The following RANBP2 variants were observed in gnomAD, a reference collection of about 807,000 sequenced individuals.
The protein encoded by RANBP2 is RAN binding protein 2.
In RANBP2, 57 loss-of-function variants were observed where a neutral mutation model predicts 303.6. The observed-to-expected ratio is 0.19, with a 90% CI of 0.15 to 0.23. The LOEUF is 0.23. RANBP2 is among the 10% of genes least tolerant of loss of function. RANBP2 has a pLI of 1.00. For missense variants in RANBP2, 3,138 were observed against 3,780.8 expected, an observed-to-expected ratio of 0.83 and a Z score of 4.46; for synonymous variants, 1,167 against 1,301.5, an observed-to-expected ratio of 0.90 and a Z score of 2.23.
At chr2:108,910,786 T>C in the RANBP2 span, 1 of 1,613,242 alleles carries the variant, frequency 6.2e-7, no homozygotes, top group Non-Finnish European at 8.5e-7. Context: ...CTGGGGCCTC[T>C]TTCTTCTCCT....
In RANBP2 at chr2:108,775,778, C is replaced by G; in HGVS notation, c.8339C>G (p.Thr2780Arg). ...EITSTTDSVY[T>R]GGTEVMVPSF... ...ACTAGCACAACTGACAGTGTATATACAGGTGGGACTGAAGTGATGGTACCT... is the reference window on the plus strand; with the variant it reads ...ACTAGCACAACTGACAGTGTATATAGAGGTGGGACTGAAGTGATGGTACCT... Residue 2780 changes from threonine to arginine, a missense_variant, in exon 24 of 29, where the codon ACA becomes AGA. Thr to Arg is a moderately conservative substitution (Grantham distance 71, BLOSUM62 -1). Transcript: ENST00000283195. The G allele has an allele frequency of 6.2e-7, 1 of 1,613,824 alleles. No individual in the cohort carries two copies. Among genetic ancestry groups the G allele is most frequent in the African/African-American group, 1.3e-5 (1 of 75,022 alleles).
At chr2:109,405,287 A>G in the RANBP2 span, among the ~76,000 whole-genome samples, 3 of 152,062 alleles carry the variant, frequency 2.0e-5, no homozygotes, top group Non-Finnish European at 4.4e-5. Context: ...TCTGTTCCTC[A>G]AGGAGTCACC....
At chr2:108,774,330 T>C (rs1049403154) in intron 23 of RANBP2, among the ~76,000 whole-genome samples, 5 of 152,156 alleles carry the variant, frequency 3.3e-5, no homozygotes, top group African/African-American at 9.7e-5. Flanking sequence ...CTCAGTGATA[T>C]GTGTGTGTAG....
the RANBP2 span, among the ~76,000 whole-genome samples, chr2:109,325,331 CTTTTTTTTT>C: frequency 2.4e-4 from 16 of 66,258 alleles, no homozygotes; most frequent in African/African-American, 8.8e-4. Context: ...TTCTTTCTTT[CTTTTTTTTT>C]TTTTTTTTTT....
chr2:109,494,814 C>T, the RANBP2 span, among the ~76,000 whole-genome samples: 11 of 152,196 alleles, frequency 7.2e-5, no homozygotes, highest in African/African-American at 2.7e-4. Context: ...GCCCAGACTC[C>T]TCCAGATCTC....
At chr2:109,440,060 A>G in the RANBP2 span, among the ~76,000 whole-genome samples, 1 of 152,256 alleles carries the variant, frequency 6.6e-6, no homozygotes. Flanking sequence ...AAGGAGGTTC[A>G]GAGCAGAGGA....
the RANBP2 span, among the ~76,000 whole-genome samples, chr2:109,083,802 T>C: frequency 1.3e-5 from 2 of 152,156 alleles, no homozygotes; most frequent in Admixed American, 1.3e-4. Context: ...CTTTACCCAG[T>C]GTCATCACCT....
At chr2:109,638,835 T>C in the RANBP2 span, among the ~76,000 whole-genome samples, 1 of 152,178 alleles carries the variant, frequency 6.6e-6, no homozygotes, top group Non-Finnish European at 1.5e-5. Context: ...GGAAATTGCA[T>C]TGCTGAAGTG....
the RANBP2 span, among the ~76,000 whole-genome samples, chr2:109,166,762 C>T: frequency 6.6e-6 from 1 of 152,190 alleles, no homozygotes; most frequent in Non-Finnish European, 1.5e-5. Flanking sequence ...TAGGTTCTGG[C>T]ATCTAGCTTC....
the RANBP2 span, among the ~76,000 whole-genome samples, chr2:109,579,117 CAATAAAAAGATATTAA>C: frequency 1.3e-5 from 2 of 151,998 alleles, no homozygotes; most frequent in Non-Finnish European, 2.9e-5. Flanking sequence ...ATGATGAAGA[CAATAAAAAGATATTAA>C]GAGTACATTA....
chr2:109,544,100 T>G, the RANBP2 span: 1 of 1,477,054 alleles, frequency 6.8e-7, no homozygotes, highest in Non-Finnish European at 9.1e-7. Context: ...ATTTTTGAAT[T>G]AGAGATGCTC....
At chr2:109,424,594 T>C in the RANBP2 span, among the ~76,000 whole-genome samples, 11 of 152,238 alleles carry the variant, frequency 7.2e-5, no homozygotes, top group Non-Finnish European at 1.2e-4. Context: ...GTAATTCTTA[T>C]AATATTTCAA....
the RANBP2 span, among the ~76,000 whole-genome samples, chr2:109,510,505 C>A: frequency 6.6e-6 from 1 of 152,198 alleles, no homozygotes; most frequent in Non-Finnish European, 1.5e-5. Context: ...AGGGAAACCC[C>A]GAGGTAGCTC....
chr2:109,545,543 C>CT, the RANBP2 span: 6 of 1,535,598 alleles, frequency 3.9e-6, no homozygotes, highest in Non-Finnish European at 5.2e-6. Flanking sequence ...GCCTGGTTCC[C>CT]TTATTAAAAT....
the RANBP2 span, chr2:109,504,762 T>G: frequency 6.6e-6 from 1 of 152,322 alleles, no homozygotes; most frequent in Non-Finnish European, 1.5e-5. Flanking sequence ...CACCTGCCTC[T>G]CAGTGCTCTT....
chr2:108,747,378 A>T (rs1455461325), intron 8 of RANBP2, among the ~76,000 whole-genome samples: 3 of 152,258 alleles, frequency 2.0e-5, no homozygotes, highest in Non-Finnish European at 1.5e-5. Flanking sequence ...CTGAAGAAAC[A>T]TAATGCTTTC....
the RANBP2 span, among the ~76,000 whole-genome samples, chr2:109,096,106 A>G: frequency 6.6e-6 from 1 of 152,170 alleles, no homozygotes; most frequent in South Asian, 2.1e-4. Flanking sequence ...CTATTTTGTG[A>G]TATCTAGTGT....
the RANBP2 span, among the ~76,000 whole-genome samples, chr2:109,149,754 G>A: frequency 6.6e-6 from 1 of 152,226 alleles, no homozygotes; most frequent in Non-Finnish European, 1.5e-5. Flanking sequence ...TCAAGACGTT[G>A]TGAGTAAGTG....
At chr2:109,339,226 A>G in the RANBP2 span, among the ~76,000 whole-genome samples, 1 of 149,920 alleles carries the variant, frequency 6.7e-6, no homozygotes, top group Non-Finnish European at 1.5e-5. Context: ...AAATCCACGT[A>G]TAAGTAGACC....
Sources: allele counts gnomAD v4.1 joint callset (sites outside exome capture counted in the v4.1 genomes callset), GRCh38; gene constraint gnomAD v4.1.1; transcripts MANE v1.5; gene names NCBI Gene and HGNC (gene_info 2026-07-23, HGNC 2026-07-21).